Variants in FOXP1 observed in about 807,000 individuals in gnomAD.
FOXP1 encodes forkhead box P1, also known as forkhead box protein P1.
FOXP1 carries 15 observed loss-of-function variants against 98.2 expected under a neutral mutation model. That is an observed-to-expected ratio of 0.15 (90% confidence interval 0.10 to 0.24). The LOEUF is 0.24. FOXP1 is among the 10% of genes least tolerant of loss of function. The pLI, the probability that FOXP1 is intolerant of heterozygous loss-of-function variation, is 1.00. For synonymous variants in FOXP1, 371 were observed against 314.5 expected (o/e 1.18, Z -1.90); for missense variants, 633 against 848.5 (o/e 0.75, Z 3.15).
chr3:71,217,141 C>T (rs558401104), intron 5 of FOXP1, among the ~76,000 whole-genome samples: 2 of 152,296 alleles, frequency 1.3e-5, no homozygotes, highest in East Asian at 1.9e-4. Flanking sequence ...GGCATGACCT[C>T]GGCTCACTGC....
intron 2 of FOXP1, among the ~76,000 whole-genome samples, chr3:71,504,861 C>T (rs2041687706): frequency 1.3e-5 from 2 of 152,218 alleles, no homozygotes; most frequent in African/African-American, 4.8e-5. Flanking sequence ...CCAGTTCTAA[C>T]ACCAACTAAC....
chr3:71,403,272 G>C (rs2082068402), intron 3 of FOXP1, among the ~76,000 whole-genome samples: 1 of 152,186 alleles, frequency 6.6e-6, no homozygotes, highest in Non-Finnish European at 1.5e-5. Flanking sequence ...AATTCCAGCT[G>C]GGGCTAGGAG....
At chr3:71,229,755 G>T (rs1166803864) in intron 5 of FOXP1, among the ~76,000 whole-genome samples, 4 of 152,160 alleles carry the variant, frequency 2.6e-5, no homozygotes. Context: ...AATAAACGCC[G>T]GAAGTTGGAT....
In FOXP1 at chr3:71,199,352, G is replaced by A. The variant is rs971348658; in HGVS notation, c.-11-960C>T. Among the ~76,000 whole-genome samples the A allele has an allele frequency of 5.3e-5, 8 of 151,504 alleles. No homozygotes were observed. The East Asian group carries it at 9.9e-4, about 19-fold the overall frequency. On this transcript the variant is annotated intron_variant, in intron 5 of 20. Transcript: ENST00000649528. ...ACTCATGACCTCAGGTGATGCACCC[G>A]TCTCGGCCTCCCGAAGTGCTGGGAT... is the stretch of plus-strand genomic sequence containing the variant.
rs555069608 is a variant in FOXP1, at chr3:70,973,195, C to T, written c.1531-519G>A. On this transcript the variant is annotated intron_variant, in intron 17 of 20. Transcript: ENST00000649528. ...GTGGATTTTACCGTTGAGAGTATCGCCTTGTATAGTCAAAGGATCGGGGGG... is the reference window on the plus strand; with the variant it reads ...GTGGATTTTACCGTTGAGAGTATCGTCTTGTATAGTCAAAGGATCGGGGGG... Among the ~76,000 whole-genome samples, 46 of 152,246 alleles carry T rather than the reference C, an allele frequency of 3.0e-4. 1 individual carries two copies. The highest frequency in any genetic ancestry group is 1.9e-4 in the East Asian group (1 of 5,176).
intron 4 of FOXP1, 125 bp from the exon 5 acceptor site, chr3:71,300,005 G>A (rs1227316661): frequency 6.6e-6 from 1 of 152,354 alleles, no homozygotes; most frequent in Non-Finnish European, 1.5e-5. Flanking sequence ...GACTTTCAGG[G>A]TTAATAAAAA....
intron 3 of FOXP1, among the ~76,000 whole-genome samples, chr3:71,423,475 C>T (rs1039683984): frequency 6.6e-6 from 1 of 152,228 alleles, no homozygotes; most frequent in Non-Finnish European, 1.5e-5. Flanking sequence ...TGTCCTCTGT[C>T]TCCCCTCGCA....
chr3:70,982,892 G>C (rs1425844670), intron 14 of FOXP1, among the ~76,000 whole-genome samples: 1 of 152,186 alleles, frequency 6.6e-6, no homozygotes, highest in Non-Finnish European at 1.5e-5. Flanking sequence ...CAGATTCTGA[G>C]AACAAAAGAC....
intron 6 of FOXP1, among the ~76,000 whole-genome samples, chr3:71,161,334 G>T (rs1489918610): frequency 6.6e-6 from 1 of 152,188 alleles, no homozygotes; most frequent in African/African-American, 2.4e-5. Flanking sequence ...GGGCCTCCAA[G>T]ATGTGGGTAC....
chr3:71,569,350 T>C (rs1467947329), intron 2 of FOXP1, among the ~76,000 whole-genome samples: 1 of 152,184 alleles, frequency 6.6e-6, no homozygotes, highest in Non-Finnish European at 1.5e-5. Context: ...AGAAAACACT[T>C]GCAACTCCAC....
chr3:71,255,457 AT>A (rs2068543063), intron 5 of FOXP1, among the ~76,000 whole-genome samples: 1 of 152,160 alleles, frequency 6.6e-6, no homozygotes, highest in South Asian at 2.1e-4. Flanking sequence ...TTTTGATTTT[AT>A]TATGTTTCCT....
intron 3 of FOXP1, among the ~76,000 whole-genome samples, chr3:71,386,579 A>G (rs902896647): frequency 6.6e-6 from 1 of 152,042 alleles, no homozygotes; most frequent in Non-Finnish European, 1.5e-5. Flanking sequence ...CGTCTCTACT[A>G]AAAATACAAA....
chr3:71,335,462 T>C (rs2076607620), intron 4 of FOXP1, among the ~76,000 whole-genome samples: 1 of 152,038 alleles, frequency 6.6e-6, no homozygotes, highest in African/African-American at 2.4e-5. Context: ...AATGCTACCA[T>C]CCCCTTTGTT....
intron 5 of FOXP1, among the ~76,000 whole-genome samples, chr3:71,232,146 T>C (rs2066341395): frequency 6.6e-6 from 1 of 152,186 alleles, no homozygotes; most frequent in Admixed American, 6.5e-5. Flanking sequence ...TGAGATAATA[T>C]AAAAAGAATC....
chr3:71,551,598 A>G (rs569903898), intron 2 of FOXP1, among the ~76,000 whole-genome samples: 45 of 152,346 alleles, frequency 3.0e-4, no homozygotes, highest in African/African-American at 1.1e-3. Context: ...CTTCTGGCAT[A>G]TGAAACAAAC....
intron 13 of FOXP1, among the ~76,000 whole-genome samples, chr3:70,988,760 A>G (rs2040151184): frequency 1.3e-5 from 2 of 152,256 alleles, no homozygotes; most frequent in Non-Finnish European, 2.9e-5. Flanking sequence ...CTCAAATACT[A>G]CTGATTGGAA....
intron 2 of FOXP1, among the ~76,000 whole-genome samples, chr3:71,580,229 C>T (rs1351341323): frequency 1.3e-5 from 2 of 150,138 alleles, no homozygotes; most frequent in Admixed American, 1.3e-4. Flanking sequence ...AATGACTAAT[C>T]CAAAGTCTAA....
intron 4 of FOXP1, among the ~76,000 whole-genome samples, chr3:71,321,389 C>T (rs914228862): frequency 6.6e-6 from 1 of 152,108 alleles, no homozygotes; most frequent in African/African-American, 2.4e-5. Context: ...CTGGTATGAG[C>T]CAGCCATAGC....
chr3:71,248,989 C>T (rs1048613537), intron 5 of FOXP1, among the ~76,000 whole-genome samples: 2 of 152,180 alleles, frequency 1.3e-5, no homozygotes, highest in Non-Finnish European at 2.9e-5. Context: ...ACAAGGCCAA[C>T]ACAAACTTCC....
Sources: allele counts gnomAD v4.1 joint callset (sites outside exome capture counted in the v4.1 genomes callset), GRCh38; gene constraint gnomAD v4.1.1; transcripts MANE v1.5; gene names NCBI Gene and HGNC (gene_info 2026-07-23, HGNC 2026-07-21).